The following CUX2 variants were observed in gnomAD, a reference collection of about 807,000 sequenced individuals.
CUX2 encodes cut like homeobox 2.
In CUX2, 40 loss-of-function variants were observed where a neutral mutation model predicts 144.8. The observed-to-expected ratio is 0.28, with a 90% CI of 0.21 to 0.36. The LOEUF (loss-of-function observed/expected upper bound fraction) is 0.36, where lower values mean the gene tolerates loss of function less well. CUX2 is among the 10% of genes least tolerant of loss of function. The probability of loss-of-function intolerance (pLI) is 1.00; values close to 1 mark genes in which losing one functional copy is unlikely to be tolerated. For synonymous variants in CUX2, 827 were observed against 875.6 expected (o/e 0.94, Z 0.98); for missense variants, 1,615 against 1,994.0 (o/e 0.81, Z 3.62).
In CUX2 at chr12:111,263,333, T is replaced by C. The variant is rs377600718; in HGVS notation, c.223-428T>C. The stretch of plus-strand genomic sequence containing the variant: ...AAGAAAAAAAATACATGGCCAGCCA[T>C]GGTGGCTCATGCCTGTAATCCCAGA... On this transcript the variant is annotated intron_variant, in intron 3 of 21. Transcript: ENST00000261726. This position sits in a 1 kb window ranked among gnomAD's most constrained non-coding sequence, Gnocchi z 4.0. Among the ~76,000 whole-genome samples the C allele has an allele frequency of 4.0e-4, 61 of 152,214 alleles. No homozygotes were observed. The highest frequency in any genetic ancestry group is 3.4e-3 in the Middle Eastern group (1 of 294).
At chr12:111,302,388 C>T (rs1886335686) in intron 9 of CUX2, among the ~76,000 whole-genome samples, 1 of 152,188 alleles carries the variant, frequency 6.6e-6, no homozygotes, top group Admixed American at 6.5e-5. Context: ...TTTGGCCAAA[C>T]CACTTCATTT....
rs188725435 is a variant in CUX2 at position 111,271,390 on chromosome 12, G to A, written c.301+7551G>A. ...AACAGTTGCTGATTCTACATGTACC[G>A]TTTTGAATTGTTTCCTTTATCTGAC... On this transcript the variant is annotated intron_variant, in intron 4 of 21. Coordinates refer to ENST00000261726, the MANE Select transcript of CUX2 (RefSeq NM_015267.4). 1.2e-4 allele frequency among the ~76,000 whole-genome samples: 18 copies of A among 152,214 alleles called. No individual in the cohort carries two copies. The South Asian group carries it at 3.3e-3, about 28-fold the overall frequency.
In CUX2 at chr12:111,136,942, C is replaced by CTT. The variant is rs111985672; in HGVS notation, c.64-77246_64-77245dup. 7.1e-3 allele frequency among the ~76,000 whole-genome samples: 1,027 copies of CTT among 144,296 alleles called. 29 individuals carry two copies. Among genetic ancestry groups the CTT allele is most frequent in the Admixed American group, 0.053 (768 of 14,390 alleles). The allele number at this position is 144,296 out of a possible 152,430, so 94.7% of individuals were successfully genotyped here. ...AGAATCCGCTGTTTATTTTTTATGG[C>CTT]TTTTTTTTTTTTTGAGACAGGGTCT... On this transcript the variant is annotated intron_variant, in intron 1 of 21. Transcript: ENST00000261726.
intron 1 of CUX2, among the ~76,000 whole-genome samples, chr12:111,152,850 T>G (rs1470246950): frequency 6.6e-6 from 1 of 152,100 alleles, no homozygotes; most frequent in East Asian, 1.9e-4. Flanking sequence ...CCGCTCTAGA[T>G]GGGGCCTGTG....
chr12:111,154,371 T>A (rs1393777904), intron 1 of CUX2, among the ~76,000 whole-genome samples: 1 of 152,124 alleles, frequency 6.6e-6, no homozygotes, highest in Non-Finnish European at 1.5e-5. Flanking sequence ...CTGATTGTCA[T>A]GCAGTCCACC....
At chr12:111,342,831 T>TG (rs1465786766) in intron 21 of CUX2, among the ~76,000 whole-genome samples, 1 of 151,606 alleles carries the variant, frequency 6.6e-6, no homozygotes, top group East Asian at 2.0e-4. Flanking sequence ...TGGTGGTGCA[T>TG]GCCTATAGTG....
chr12:111,267,668 A>C (rs1487028146), intron 4 of CUX2, among the ~76,000 whole-genome samples: 1 of 152,234 alleles, frequency 6.6e-6, no homozygotes, highest in Non-Finnish European at 1.5e-5. Flanking sequence ...TCAAGGTGTC[A>C]ACAGGGCTAT....
chr12:111,207,617 C>T (rs921521587), intron 1 of CUX2, among the ~76,000 whole-genome samples: 7 of 152,112 alleles, frequency 4.6e-5, no homozygotes, highest in Admixed American at 1.3e-4. Context: ...CCTGGAATCT[C>T]GACCATCACT....
chr12:111,337,684 A>G (rs75100496), intron 19 of CUX2, among the ~76,000 whole-genome samples: 1 of 152,226 alleles, frequency 6.6e-6, no homozygotes, highest in Non-Finnish European at 1.5e-5. Flanking sequence ...ATTTGTGTGT[A>G]TGATGTTGGC....
At chr12:111,264,190 G>A (rs1884267521) in intron 4 of CUX2, among the ~76,000 whole-genome samples, 1 of 152,178 alleles carries the variant, frequency 6.6e-6, no homozygotes, top group South Asian at 2.1e-4. Flanking sequence ...CTGCCTGCAG[G>A]TGGCAATAGA....
intron 3 of CUX2, among the ~76,000 whole-genome samples, chr12:111,231,282 A>C (rs1882453303): frequency 6.6e-6 from 1 of 151,956 alleles, no homozygotes; most frequent in Admixed American, 6.5e-5. Context: ...GGGACCTCCT[A>C]TAAGTGGCAC....
At chr12:111,250,357 C>A (rs1233762879) in intron 3 of CUX2, among the ~76,000 whole-genome samples, 1 of 152,180 alleles carries the variant, frequency 6.6e-6, no homozygotes, top group Non-Finnish European at 1.5e-5. Flanking sequence ...CACACCCTGC[C>A]TTGGCCCCTC....
intron 1 of CUX2, among the ~76,000 whole-genome samples, chr12:111,193,476 AAAG>A (rs1479957883): frequency 2.0e-5 from 3 of 152,374 alleles, no homozygotes; most frequent in Non-Finnish European, 4.4e-5. Flanking sequence ...GGGGGGGAGA[AAAG>A]AAGCAATAAT....
In CUX2 at chr12:111,059,816, G is replaced by C. The variant is rs767894436; in HGVS notation, c.63+25576G>C. 7.5e-4 allele frequency among the ~76,000 whole-genome samples: 114 copies of C among 152,016 alleles called. No individual in the cohort carries two copies. The highest frequency in any genetic ancestry group is 1.0e-3 in the Non-Finnish European group (69 of 67,970). On this transcript the variant is annotated intron_variant, in intron 1 of 21. Transcript: ENST00000261726. This position sits in a 1 kb window ranked among gnomAD's most constrained non-coding sequence, Gnocchi z 5.3. ...GGTGGGGGCAGTGAGGGAGGTGTTG[G>C]GGAGAGCATGGGCCCCTTTCTCCCC...
At chr12:111,260,547 C>T (rs1884066185) in intron 3 of CUX2, among the ~76,000 whole-genome samples, 2 of 152,196 alleles carry the variant, frequency 1.3e-5, no homozygotes, top group Non-Finnish European at 2.9e-5. Flanking sequence ...ACTTACAACC[C>T]ATCTCAGTTT....
intron 1 of CUX2, among the ~76,000 whole-genome samples, chr12:111,142,953 C>A (rs1470917429): frequency 6.6e-6 from 1 of 152,174 alleles, no homozygotes; most frequent in South Asian, 2.1e-4. Flanking sequence ...TGTATTAGAT[C>A]GCCTTTTCTC....
rs897777024 is a variant in CUX2 at position 111,039,204 on chromosome 12, G to T, written c.63+4964G>T. 2.6e-5 allele frequency among the ~76,000 whole-genome samples: 4 copies of T among 152,162 alleles called. No homozygotes were observed. Among genetic ancestry groups the T allele is most frequent in the African/African-American group, 9.7e-5 (4 of 41,440 alleles). On this transcript the variant is annotated intron_variant, in intron 1 of 21. Coordinates refer to ENST00000261726, the MANE Select transcript of CUX2 (RefSeq NM_015267.4). This position sits in a 1 kb window ranked among gnomAD's most constrained non-coding sequence, Gnocchi z 4.2. ...AATTCAAAGGCCGGGCCTGGCAGAG[G>T]TGAAGCATTGGAAGGGGACTCAGGT...
chr12:111,326,339 GTGT>G (rs1368584446), intron 18 of CUX2, among the ~76,000 whole-genome samples: 1 of 47,386 alleles, frequency 2.1e-5, no homozygotes, highest in Non-Finnish European at 3.3e-5. Flanking sequence ...TTTGTTTATA[GTGT>G]TGTGGTGGGG....
chr12:111,093,072 T>C (rs1462455200), intron 1 of CUX2, among the ~76,000 whole-genome samples: 1 of 152,150 alleles, frequency 6.6e-6, no homozygotes, highest in Admixed American at 6.5e-5. Context: ...TGCCTTGGCC[T>C]CCCAAAGTGC....
Sources: allele counts gnomAD v4.1 joint callset (sites outside exome capture counted in the v4.1 genomes callset), GRCh38; gene constraint gnomAD v4.1.1; non-coding constraint Gnocchi (gnomAD v3.1); transcripts MANE v1.5; gene names NCBI Gene and HGNC (gene_info 2026-07-23, HGNC 2026-07-21).